MCTP1: variants seen among roughly 807,000 people sequenced by gnomAD.
The protein encoded by MCTP1 is multiple C2 and transmembrane domain-containing protein 1.
A neutral mutation model predicts 120.6 loss-of-function variants in MCTP1; 69 were observed. That is an observed-to-expected ratio of 0.57 (90% CI 0.47 to 0.70). MCTP1 has a LOEUF of 0.70. MCTP1 is among the 30% of genes least tolerant of loss of function. MCTP1 has a pLI of 0.00. For synonymous variants in MCTP1, 529 were observed against 493.1 expected, an observed-to-expected ratio of 1.07 and a Z score of -0.96; for missense variants, 1,203 against 1,248.8, an observed-to-expected ratio of 0.96 and a Z score of 0.55.
intron 17 of MCTP1, among the ~76,000 whole-genome samples, chr5:94,818,408 T>C (rs1743224548): frequency 6.6e-6 from 1 of 152,248 alleles, no homozygotes; most frequent in African/African-American, 2.4e-5. Context: ...GCCTGGAATC[T>C]GCATTTTTAG....
At chr5:95,066,834 G>T (rs72779410) in intron 1 of MCTP1, among the ~76,000 whole-genome samples, 7,331 of 152,192 alleles carry the variant, frequency 0.048, 285 homozygotes, top group Middle Eastern at 0.065. Flanking sequence ...GGCGGAGCGG[G>T]GATGGTTTTG....
chr5:94,763,052 T>C (rs1227261161), intron 19 of MCTP1, among the ~76,000 whole-genome samples: 1 of 152,222 alleles, frequency 6.6e-6, no homozygotes, highest in Non-Finnish European at 1.5e-5. Flanking sequence ...TTTTCAATAA[T>C]CTATTAGCTA....
intron 1 of MCTP1, among the ~76,000 whole-genome samples, chr5:95,147,318 C>T (rs894348590): frequency 3.9e-5 from 6 of 152,176 alleles, no homozygotes; most frequent in African/African-American, 1.4e-4. Context: ...GATCTCCTGA[C>T]CTCGTGATCC....
At chr5:95,192,384 TGA>T (rs1305016579) in intron 1 of MCTP1, among the ~76,000 whole-genome samples, 1 of 152,020 alleles carries the variant, frequency 6.6e-6, no homozygotes, top group East Asian at 1.9e-4. Flanking sequence ...GCCAGAAAGC[TGA>T]GAGTCAAACA....
At chr5:95,261,304 T>C (rs1440522075) in intron 1 of MCTP1, among the ~76,000 whole-genome samples, 3 of 152,190 alleles carry the variant, frequency 2.0e-5, no homozygotes, top group African/African-American at 7.2e-5. Flanking sequence ...GCAGTACATA[T>C]ATGAATAGTA....
rs992776985 is a variant in MCTP1, at chr5:95,214,678, T to C, written c.720+69178A>G. Among the ~76,000 whole-genome samples, 35 of 152,134 alleles carry C rather than the reference T, an allele frequency of 2.3e-4. 1 individual carries two copies. Among genetic ancestry groups the C allele is most frequent in the Admixed American group, 1.5e-3 (23 of 15,264 alleles). On this transcript the variant is annotated intron_variant, in intron 1 of 22. Transcript: ENST00000515393. Reference sequence around the variant, plus strand: ...GGCACATATACACCATGGAATACTATGCAGCCATAGAAAATGATGAGTTCT... The same window carrying C: ...GGCACATATACACCATGGAATACTACGCAGCCATAGAAAATGATGAGTTCT...
At chr5:94,781,155 T>C (rs2152945692) in intron 18 of MCTP1, among the ~76,000 whole-genome samples, 1 of 151,778 alleles carries the variant, frequency 6.6e-6, no homozygotes, top group African/African-American at 2.4e-5. Context: ...TTGCTGAAAT[T>C]ACCCATGCAG....
intron 2 of MCTP1, among the ~76,000 whole-genome samples, chr5:95,000,283 G>A (rs1833420252): frequency 6.6e-6 from 1 of 152,040 alleles, no homozygotes; most frequent in Admixed American, 6.6e-5. Flanking sequence ...CTAGGTTACT[G>A]GTTTTTGTAT....
At chr5:94,753,074 G>C (rs1379624642) in intron 19 of MCTP1, among the ~76,000 whole-genome samples, 1 of 152,212 alleles carries the variant, frequency 6.6e-6, no homozygotes, top group Non-Finnish European at 1.5e-5. Context: ...AAGTAGAGCA[G>C]GATGAACTCT....
rs1290608933 is a variant in MCTP1 at position 94,942,389 on chromosome 5, C to T, written c.1020G>A (p.Met340Ile). ...GTGTCAGATCCAGAAAGGCTGAGCCCATAAAGTCATCCTGTAGTCCAAAAT... is the reference window on the plus strand; with the variant it reads ...GTGTCAGATCCAGAAAGGCTGAGCCTATAAAGTCATCCTGTAGTCCAAAAT... ...DYDFGLQDDF[M>I]GSAFLDLTQL... is the part of the protein sequence containing the mutation. The change falls in exon 4 of 23, where the codon ATG (methionine) becomes ATA (isoleucine). Residue 340 changes from methionine (M) to isoleucine (I), a missense_variant. Met to Ile is a conservative substitution (Grantham distance 10, BLOSUM62 1). Coordinates refer to ENST00000515393, the MANE Select transcript of MCTP1 (RefSeq NM_024717.7). The T allele has an allele frequency of 6.2e-7, 1 of 1,611,286 alleles. No individual in the cohort carries two copies. The highest frequency in any genetic ancestry group is 1.7e-5 in the Admixed American group (1 of 59,844).
At chr5:95,264,464 C>T (rs1003669681) in intron 1 of MCTP1, among the ~76,000 whole-genome samples, 2 of 152,214 alleles carry the variant, frequency 1.3e-5, no homozygotes, top group African/African-American at 4.8e-5. Context: ...AGACCAGCAG[C>T]TGAGTCCAGC....
intron 1 of MCTP1, among the ~76,000 whole-genome samples, chr5:95,050,923 C>T (rs957722408): frequency 6.6e-6 from 1 of 152,140 alleles, no homozygotes; most frequent in African/African-American, 2.4e-5. Flanking sequence ...CAAACATACA[C>T]ACAGGGAGAG....
chr5:94,945,073 A>T (rs1818597048), intron 3 of MCTP1, among the ~76,000 whole-genome samples: 1 of 152,136 alleles, frequency 6.6e-6, no homozygotes, highest in Non-Finnish European at 1.5e-5. Context: ...CGAGATTCAA[A>T]TCTTGTTGTA....
In MCTP1 at chr5:94,912,816, T is replaced by C; in HGVS notation, c.1511A>G (p.Tyr504Cys). The C allele has an allele frequency of 6.4e-7, 1 of 1,574,360 alleles. No individual in the cohort carries two copies. Among genetic ancestry groups the C allele is most frequent in the Non-Finnish European group, 8.6e-7 (1 of 1,161,740 alleles). The change falls in exon 9 of 23, where the codon TAC becomes TGC. Residue 504 changes from tyrosine (Y) to cysteine (C), a missense_variant. By Grantham distance (194) the Tyr-to-Cys change is radical. Transcript: ENST00000515393. ...YVKFRLGHQK[Y>C]KSKIMPKTLN... ...TAGAGACAAGGTTACCTTGCTCTTG[T>C]ACTTCTGATGCCCAAGCCGGAACTT...
chr5:95,178,497 T>C (rs2152510410), intron 1 of MCTP1, among the ~76,000 whole-genome samples: 1 of 152,282 alleles, frequency 6.6e-6, no homozygotes, highest in South Asian at 2.1e-4. Flanking sequence ...ACAGAGTCTA[T>C]TTCACTTTGC....
chr5:95,066,866 G>C (rs1017230567), intron 1 of MCTP1, among the ~76,000 whole-genome samples: 2 of 152,184 alleles, frequency 1.3e-5, no homozygotes, highest in African/African-American at 4.8e-5. Context: ...TTCCACCTCA[G>C]ATCATCAGGC....
At chr5:94,753,757 A>G (rs574889010) in intron 19 of MCTP1, among the ~76,000 whole-genome samples, 1 of 152,360 alleles carries the variant, frequency 6.6e-6, no homozygotes, top group East Asian at 1.9e-4. Context: ...ACCAATGAAC[A>G]TGCATATGCA....
At position 94,796,526 on chromosome 5, in the gene MCTP1, C is replaced by T. The variant is rs1333508494; in HGVS notation, c.2556+2487G>A. Among the ~76,000 whole-genome samples, 4 of 147,862 alleles carry T rather than the reference C, an allele frequency of 2.7e-5. No individual in the cohort carries two copies. In the East Asian group the frequency reaches 7.9e-4, roughly 29 times the overall value. On this transcript the variant is annotated intron_variant, in intron 18 of 22. Transcript: ENST00000515393. ...TCAATGCATCGCAGCATGGCAACCC[C>T]TACAAACACTTTCCCTAAATTCGTA...
intron 17 of MCTP1, among the ~76,000 whole-genome samples, chr5:94,863,383 G>A (rs1456035541): frequency 6.6e-6 from 1 of 151,806 alleles, no homozygotes; most frequent in Non-Finnish European, 1.5e-5. Flanking sequence ...AAAATCATTT[G>A]AAAATTGCCA....
Sources: allele counts gnomAD v4.1 joint callset (sites outside exome capture counted in the v4.1 genomes callset), GRCh38; gene constraint gnomAD v4.1.1; transcripts MANE v1.5; gene names NCBI Gene and HGNC (gene_info 2026-07-23, HGNC 2026-07-21).